The following OFD1 variants were observed in gnomAD, a reference collection of about 807,000 sequenced individuals.
The protein encoded by OFD1 is centriole and centriolar satellite protein OFD1.
In OFD1, 12 loss-of-function variants were observed where a neutral mutation model predicts 81.4. That is an observed-to-expected ratio of 0.15 (90% CI 0.09 to 0.24). OFD1 has a LOEUF of 0.24. Ranked by LOEUF, OFD1 falls within the 10% of genes least tolerant of loss-of-function variation. The pLI is 1.00. For synonymous variants in OFD1, 256 were observed against 263.7 expected (o/e 0.97, Z 0.28); for missense variants, 685 against 733.9 (o/e 0.93, Z 0.77).
At chrX:13,738,241 G>A (rs997471911) in intron 3 of OFD1, among the ~76,000 whole-genome samples, 3 of 112,224 alleles carry the variant, frequency 2.7e-5, no homozygotes, top group African/African-American at 9.7e-5. Flanking sequence ...TTATATAGCA[G>A]GAATTAATCC....
At chrX:13,731,595 G>A (rs758054827), upstream of OFD1, among the ~76,000 whole-genome samples, 14 of 111,805 alleles carry the variant, frequency 1.3e-4, no homozygotes, top group Non-Finnish European at 2.6e-4. Context: ...CCCTCCATGA[G>A]AGCAGATACA....
At chrX:13,754,779 T>C (rs1300805896) in intron 11 of OFD1, among the ~76,000 whole-genome samples, 1 of 112,897 alleles carries the variant, frequency 8.9e-6, no homozygotes, top group African/African-American at 3.2e-5. Flanking sequence ...CAAATTATGG[T>C]TTGATGATAT....
intron 10 of OFD1, chrX:13,752,699 G>A: frequency 1.0e-6 from 1 of 971,668 alleles, no homozygotes; most frequent in Non-Finnish European, 1.3e-6. Flanking sequence ...GTGTCATTGT[G>A]ACAGCTTCCA....
the OFD1 span, among the ~76,000 whole-genome samples, chrX:13,729,079 T>C: frequency 6.3e-5 from 7 of 111,443 alleles, no homozygotes; most frequent in South Asian, 2.6e-3. Flanking sequence ...TACAAACCAC[T>C]GCTCAGTGAA....
chrX:13,738,996 T>C lies in OFD1; in HGVS notation c.382-6T>C. 8.3e-7 allele frequency: 1 copy of C among 1,201,145 alleles called. No homozygotes were observed. Among genetic ancestry groups the C allele is most frequent in the Non-Finnish European group, 1.1e-6 (1 of 886,375 alleles). On this transcript the variant is annotated splice_polypyrimidine_tract_variant and splice_region_variant and intron_variant, in intron 4 of 22. Transcript: ENST00000340096. ...TGAATAAAAGTGAAATATTTTCTTT[T>C]AACAGGTTTCAGGATCTGATAAAGA...
chrX:13,743,727 T>A (rs2047191942), intron 5 of OFD1, among the ~76,000 whole-genome samples: 1 of 111,750 alleles, frequency 8.9e-6, no homozygotes, highest in Non-Finnish European at 1.9e-5. Context: ...GACAATGTAG[T>A]TTTTTCTGCA....
rs1376941674 is a variant in OFD1 at position 13,760,302 on chromosome X, A to G, written c.1842A>G (p.Ala614=). The stretch of plus-strand genomic sequence containing the variant: ...CAAGGATCACAAATTATCCAACTGC[A>G]TGGGTGGAGGGTAGTTCCCCTGATT... ...VASRITNYPT[A]WVEGSSPDSD... is the part of the protein sequence containing the mutation. Residue 614 remains alanine, a synonymous_variant, in exon 16 of 23, where the codon GCA becomes GCG. Transcript: ENST00000340096. The G allele has an allele frequency of 2.5e-6, 3 of 1,211,762 alleles. No homozygotes were observed. Among genetic ancestry groups the G allele is most frequent in the Non-Finnish European group, 3.4e-6 (3 of 895,247 alleles).
In OFD1 at chrX:13,760,106, A is replaced by T. The variant is rs770414421; in HGVS notation, c.1655-9A>T. ...CTTACTTCTGAAATTGGCTTTTTGT[A>T]CCCTGCAGCCCTAGAGAATGAAGTG... On this transcript the variant is annotated splice_polypyrimidine_tract_variant and intron_variant, in intron 15 of 22. Coordinates refer to ENST00000340096, the MANE Select transcript of OFD1 (RefSeq NM_003611.3). 4 of 1,211,558 alleles carry T rather than the reference A, an allele frequency of 3.3e-6. No homozygotes were observed. Among genetic ancestry groups the T allele is most frequent in the Non-Finnish European group, 3.4e-6 (3 of 895,314 alleles).
At chrX:13,739,401 T>C (rs770273381) in intron 5 of OFD1, 58 of 168,787 alleles carry the variant, frequency 3.4e-4, no homozygotes, top group African/African-American at 1.7e-3. Flanking sequence ...TAATATTTCC[T>C]TAAAGAATGA....
chrX:13,719,762 A>C, the OFD1 span: 7 of 612,553 alleles, frequency 1.1e-5, no homozygotes, highest in African/African-American at 1.6e-4. Flanking sequence ...GCTCCTGAGC[A>C]AGCCTCATTT....
Position 13,758,362 on chromosome X carries a change from C to G in OFD1, c.1568C>G (p.Ala523Gly). The change falls in exon 15 of 23, where the codon GCC becomes GGC. Residue 523 changes from alanine to glycine, a missense_variant. Ala to Gly is a moderately conservative substitution (Grantham distance 60, BLOSUM62 0). Around this residue, in one of 3 missense-constraint regions of OFD1, gnomAD observed 414 missense variants for 447.2 expected, o/e 0.93. Transcript: ENST00000340096. Reference protein sequence around the residue: ...DEIEHSAQLKAQILGYKASVK... With the variant: ...DEIEHSAQLKGQILGYKASVK... The stretch of plus-strand genomic sequence containing the variant: ...ATTGAGCATTCTGCACAGCTGAAGG[C>G]CCAGATTCTAGGTTACAAAGCTTCT... 1 of 1,204,102 alleles carries G rather than the reference C, an allele frequency of 8.3e-7. No homozygotes were observed. The highest frequency in any genetic ancestry group is 1.1e-6 in the Non-Finnish European group (1 of 889,132).
intron 10 of OFD1, 117 bp downstream of exon 10, chrX:13,751,485 A>C (rs1193001650): frequency 1.3e-5 from 8 of 598,093 alleles, no homozygotes; most frequent in Non-Finnish European, 1.8e-5. Flanking sequence ...AAAAAAAAAA[A>C]ACATAGTTTT....
the OFD1 span, among the ~76,000 whole-genome samples, chrX:13,725,804 C>T: frequency 8.9e-6 from 1 of 112,026 alleles, no homozygotes; most frequent in African/African-American, 3.2e-5. Flanking sequence ...TAATAACAAA[C>T]TTCTCTGAGC....
At chrX:13,723,095 C>CA in the OFD1 span, among the ~76,000 whole-genome samples, 199 of 62,688 alleles carry the variant, frequency 3.2e-3, 2 homozygotes, top group African/African-American at 5.6e-3. Context: ...GACTCCATCT[C>CA]AAAAAAAAAA....
At chrX:13,725,003 G>A in the OFD1 span, among the ~76,000 whole-genome samples, 29 of 113,232 alleles carry the variant, frequency 2.6e-4, no homozygotes, top group Non-Finnish European at 4.3e-4. Flanking sequence ...CACTGCTAGC[G>A]CAGCAGTCTG....
chrX:13,715,991 G>C, the OFD1 span: 7 of 1,176,450 alleles, frequency 6.0e-6, no homozygotes, highest in Non-Finnish European at 8.0e-6. Context: ...AAAAATTATA[G>C]AACATACCAT....
In OFD1 at chrX:13,761,290, A is replaced by ATT. The variant is rs112117780; in HGVS notation, c.2387+90_2387+91dup. On this transcript the variant is annotated intron_variant, in intron 17 of 22. Coordinates refer to ENST00000340096, the MANE Select transcript of OFD1 (RefSeq NM_003611.3). ...GTCAGCCTTCACTTGTTTTACTGGG[A>ATT]TTTTTTTTTTTTGAGATAATTATTA... The ATT allele has an allele frequency of 0.026, 20,665 of 800,853 alleles. 56 individuals carry two copies. Among genetic ancestry groups the ATT allele is most frequent in the African/African-American group, 0.077 (3,433 of 44,815 alleles). 66.0% of individuals were successfully genotyped at this position (800,853 alleles called of 1,213,427 possible). A position where few individuals can be genotyped will look rare whatever the true frequency, so the allele number is the denominator to read the frequency against.
the OFD1 span, chrX:13,716,178 G>A: frequency 1.0e-6 from 1 of 975,883 alleles, no homozygotes; most frequent in Non-Finnish European, 1.4e-6. Flanking sequence ...TTAGTCACAT[G>A]CAGTGTATTT....
intron 19 of OFD1, among the ~76,000 whole-genome samples, 199 bp from the exon 20 acceptor site, chrX:13,766,928 G>A (rs2048150688): frequency 9.0e-6 from 1 of 111,065 alleles, no homozygotes; most frequent in Non-Finnish European, 1.9e-5. Context: ...TCAGTCAAGT[G>A]AAGTAGGGTA....
Sources: allele counts gnomAD v4.1 joint callset (sites outside exome capture counted in the v4.1 genomes callset), GRCh38; gene constraint gnomAD v4.1.1; regional missense constraint gnomAD v4.1.1; transcripts MANE v1.5; gene names NCBI Gene and HGNC (gene_info 2026-07-23, HGNC 2026-07-21).